Variants in RBFOX1 observed in about 807,000 individuals in gnomAD.
RBFOX1 encodes the protein RNA binding fox-1 homolog 1.
A neutral mutation model predicts 57.7 loss-of-function variants in RBFOX1; 8 were observed. The observed-to-expected ratio is 0.14, with a 90% CI of 0.08 to 0.25. The LOEUF is 0.25. RBFOX1 is among the 10% of genes least tolerant of loss of function. The probability of loss-of-function intolerance (pLI) is 1.00; values close to 1 mark genes in which losing one functional copy is unlikely to be tolerated. For synonymous variants in RBFOX1, 326 were observed against 222.4 expected (o/e 1.47, Z -4.15); for missense variants, 611 against 548.5 (o/e 1.11, Z -1.14).
At chr16:7,047,195 T>G (rs1277472365) in intron 3 of RBFOX1, among the ~76,000 whole-genome samples, 1 of 152,186 alleles carries the variant, frequency 6.6e-6, no homozygotes, top group Non-Finnish European at 1.5e-5. Context: ...GTATCCTATT[T>G]CCTTTATCTG....
At chr16:6,842,698 G>C (rs2093549048) in intron 3 of RBFOX1, among the ~76,000 whole-genome samples, 1 of 148,152 alleles carries the variant, frequency 6.7e-6, no homozygotes, top group African/African-American at 2.5e-5. Context: ...TACATGTGTA[G>C]AATGTGCAGG....
At position 6,120,434 on chromosome 16, in the gene RBFOX1, C is replaced by T. The variant is rs535848053; in HGVS notation, c.-127+100442C>T. 2.6e-5 allele frequency among the ~76,000 whole-genome samples: 4 copies of T among 152,180 alleles called. No homozygotes were observed. In the South Asian group the frequency reaches 8.3e-4, roughly 32 times the overall value. On this transcript the variant is annotated intron_variant, in intron 1 of 15. Transcript: ENST00000550418. ...TCCATTCTCTTTGTAAACAAATTTCCTATGTTGTGCTTTCCTAAGGGGGCA... is the reference window on the plus strand; with the variant it reads ...TCCATTCTCTTTGTAAACAAATTTCTTATGTTGTGCTTTCCTAAGGGGGCA...
At chr16:6,762,598 G>C (rs567484721) in intron 3 of RBFOX1, among the ~76,000 whole-genome samples, 1 of 152,242 alleles carries the variant, frequency 6.6e-6, no homozygotes, top group Admixed American at 6.5e-5. Flanking sequence ...AAGAATCTTA[G>C]ATATGAAAGG....
At chr16:6,267,683 C>G (rs920173150) in intron 1 of RBFOX1, among the ~76,000 whole-genome samples, 1 of 152,166 alleles carries the variant, frequency 6.6e-6, no homozygotes, top group Admixed American at 6.5e-5. Flanking sequence ...ACTCCTAAAA[C>G]CAACAATCAA....
chr16:6,650,878 T>C (rs553479999), intron 2 of RBFOX1, among the ~76,000 whole-genome samples: 3 of 152,126 alleles, frequency 2.0e-5, no homozygotes, highest in Admixed American at 6.6e-5. Flanking sequence ...ATGGAGTCCC[T>C]AATGTTTTTT....
chr16:7,426,815 C>T (rs1227396660), intron 4 of RBFOX1, among the ~76,000 whole-genome samples: 1 of 152,174 alleles, frequency 6.6e-6, no homozygotes, highest in Non-Finnish European at 1.5e-5. Flanking sequence ...AGAGGCAAGG[C>T]AGGCTGTCTG....
At chr16:7,310,803 A>C (rs191097422) in intron 4 of RBFOX1, among the ~76,000 whole-genome samples, 3 of 152,198 alleles carry the variant, frequency 2.0e-5, no homozygotes, top group African/African-American at 7.2e-5. Flanking sequence ...TTCCATGTTG[A>C]TGGAACTCCT....
At chr16:5,978,314 TTAAGAGA>T (rs1184745344) in intron 4 of RBFOX1, among the ~76,000 whole-genome samples, 1 of 151,768 alleles carries the variant, frequency 6.6e-6, no homozygotes, top group Non-Finnish European at 1.5e-5. Flanking sequence ...GCCCCATTTC[TTAAGAGA>T]TAAAATAAAA....
chr16:6,870,235 C>T (rs1240926895), intron 3 of RBFOX1, among the ~76,000 whole-genome samples: 2 of 152,022 alleles, frequency 1.3e-5, no homozygotes, highest in Admixed American at 1.3e-4. Context: ...GAGTTAGCAG[C>T]CTGGGGTGGG....
At chr16:6,411,403 G>A (rs925072368) in intron 2 of RBFOX1, among the ~76,000 whole-genome samples, 1 of 152,160 alleles carries the variant, frequency 6.6e-6, no homozygotes, top group Non-Finnish European at 1.5e-5. Context: ...GTGTATTCCC[G>A]ATGAACACAT....
intron 2 of RBFOX1, among the ~76,000 whole-genome samples, chr16:6,589,595 C>G (rs1305386427): frequency 1.3e-5 from 2 of 152,186 alleles, no homozygotes; most frequent in South Asian, 4.1e-4. Context: ...ATCCCAGGAG[C>G]AATCTGGGGA....
chr16:5,480,809 C>A (rs1234425619), intron 2 of RBFOX1, among the ~76,000 whole-genome samples: 1 of 152,188 alleles, frequency 6.6e-6, no homozygotes, highest in Admixed American at 6.5e-5. Context: ...TAATATGTCA[C>A]CAAGTGGATG....
At chr16:7,160,306 C>T (rs1299655079) in intron 4 of RBFOX1, among the ~76,000 whole-genome samples, 1 of 151,798 alleles carries the variant, frequency 6.6e-6, no homozygotes, top group Non-Finnish European at 1.5e-5. Flanking sequence ...TTGCATTAGT[C>T]TTCTGGACTT....
intron 3 of RBFOX1, among the ~76,000 whole-genome samples, chr16:6,684,904 T>A (rs925087120): frequency 3.3e-5 from 5 of 152,198 alleles, no homozygotes; most frequent in African/African-American, 1.2e-4. Context: ...ACATACGAAG[T>A]CCTAGGCATA....
At chr16:6,707,483 T>TG (rs955727443) in intron 3 of RBFOX1, among the ~76,000 whole-genome samples, 2 of 150,820 alleles carry the variant, frequency 1.3e-5, no homozygotes, top group Non-Finnish European at 2.9e-5. Flanking sequence ...TTTTTGTTTT[T>TG]TTTTTTTTTT....
chr16:6,650,470 C>G (rs936086404), intron 2 of RBFOX1, among the ~76,000 whole-genome samples: 1 of 152,066 alleles, frequency 6.6e-6, no homozygotes, highest in Admixed American at 6.5e-5. Flanking sequence ...TTGTGTGATT[C>G]AGTATGAGTT....
chr16:5,417,370 G>A (rs546756970), intron 1 of RBFOX1, among the ~76,000 whole-genome samples: 5 of 152,306 alleles, frequency 3.3e-5, no homozygotes, highest in Middle Eastern at 6.8e-3. Context: ...AGTAAGTCTG[G>A]CAAAACAGGC....
At chr16:6,052,341 C>G (rs1384012438) in intron 1 of RBFOX1, among the ~76,000 whole-genome samples, 1 of 152,158 alleles carries the variant, frequency 6.6e-6, no homozygotes, top group African/African-American at 2.4e-5. Context: ...TATGCCAAGG[C>G]TCTCTTCAGA....
At chr16:6,398,637 C>G (rs2092938437) in intron 2 of RBFOX1, among the ~76,000 whole-genome samples, 1 of 152,210 alleles carries the variant, frequency 6.6e-6, no homozygotes. Context: ...TCCTTTGACT[C>G]CATGTCTCAC....
Sources: gnomAD v4.1 joint callset for allele counts (sites outside exome capture counted in the v4.1 genomes callset) on GRCh38, gnomAD v4.1.1 for gene constraint, MANE v1.5 for transcripts, NCBI Gene and HGNC (gene_info 2026-07-23, HGNC 2026-07-21) for gene names.